Variants in SPAG9 observed in about 807,000 individuals in gnomAD.
SPAG9 encodes sperm associated antigen 9.
Under a neutral mutation model 166.5 loss-of-function variants are expected in SPAG9, and 35 were observed. That is an observed-to-expected ratio of 0.21 (90% CI 0.16 to 0.28). SPAG9 has a LOEUF of 0.28. Ranked by LOEUF, SPAG9 falls within the 10% of genes least tolerant of loss-of-function variation. The probability of loss-of-function intolerance (pLI) is 1.00; values close to 1 mark genes in which losing one functional copy is unlikely to be tolerated. For synonymous variants in SPAG9, 534 were observed against 565.5 expected (o/e 0.94, Z 0.79); for missense variants, 1,235 against 1,603.3 (o/e 0.77, Z 3.92).
intron 2 of SPAG9, among the ~76,000 whole-genome samples, chr17:51,059,492 C>T (rs1172278969): frequency 6.6e-6 from 1 of 152,008 alleles, no homozygotes; most frequent in Non-Finnish European, 1.5e-5. Flanking sequence ...TGGTGGGTCA[C>T]GCCTGTAATC....
intron 5 of SPAG9, among the ~76,000 whole-genome samples, chr17:51,040,021 G>A (rs928408600): frequency 6.6e-6 from 1 of 152,026 alleles, no homozygotes; most frequent in African/African-American, 2.4e-5. Flanking sequence ...GATCACCTGA[G>A]GTCAGGAGTT....
chr17:51,013,170 C>T (rs1023845549), intron 9 of SPAG9, among the ~76,000 whole-genome samples: 12 of 152,174 alleles, frequency 7.9e-5, no homozygotes, highest in African/African-American at 2.7e-4. Flanking sequence ...AATTAACAAA[C>T]GAAACCTTTT....
At chr17:51,054,442 CT>C (rs1425151006) in intron 3 of SPAG9, among the ~76,000 whole-genome samples, 150 of 132,542 alleles carry the variant, frequency 1.1e-3, no homozygotes, top group Non-Finnish European at 1.0e-3. Flanking sequence ...GTTTTTTTGG[CT>C]TTTTTTTTTT....
chr17:51,097,596 G>A (rs548516285), intron 1 of SPAG9, among the ~76,000 whole-genome samples: 2 of 152,096 alleles, frequency 1.3e-5, no homozygotes, highest in African/African-American at 4.8e-5. Context: ...TACATGGCAG[G>A]TTGGTCAGAA....
chr17:51,043,171 T>C (rs2144412319), intron 4 of SPAG9, among the ~76,000 whole-genome samples: 1 of 152,286 alleles, frequency 6.6e-6, no homozygotes, highest in East Asian at 1.9e-4. Context: ...ATTACAGGTG[T>C]GAGCCACCAC....
intron 9 of SPAG9, among the ~76,000 whole-genome samples, chr17:51,011,818 T>C (rs1018615857): frequency 3.9e-5 from 6 of 152,214 alleles, no homozygotes; most frequent in Non-Finnish European, 5.9e-5. Context: ...AAAGATAGTT[T>C]GTAGTCTGTT....
chr17:50,978,259 C>T (rs1190617518), intron 26 of SPAG9, among the ~76,000 whole-genome samples: 1 of 152,158 alleles, frequency 6.6e-6, no homozygotes, highest in East Asian at 1.9e-4. Flanking sequence ...GGCTTAATTA[C>T]CATTCAGCCT....
intron 1 of SPAG9, among the ~76,000 whole-genome samples, chr17:51,105,590 G>T (rs939124859): frequency 6.6e-6 from 1 of 152,002 alleles, no homozygotes; most frequent in Non-Finnish European, 1.5e-5. Context: ...TTAAAGCTTG[G>T]CCGGGCGCAG....
intron 2 of SPAG9, among the ~76,000 whole-genome samples, chr17:51,075,857 A>G (rs932087996): frequency 4.6e-5 from 7 of 152,060 alleles, no homozygotes; most frequent in Non-Finnish European, 2.9e-5. Flanking sequence ...GCACTTCAGG[A>G]GGCCGAGGCA....
chr17:51,019,492 G>A (rs1399713587), intron 8 of SPAG9, among the ~76,000 whole-genome samples: 2 of 152,192 alleles, frequency 1.3e-5, no homozygotes, highest in African/African-American at 2.4e-5. Context: ...GGGAGGCAGA[G>A]GTTGCAGTGA....
At chr17:51,060,232 A>C (rs969527794) in intron 2 of SPAG9, among the ~76,000 whole-genome samples, 2 of 151,874 alleles carry the variant, frequency 1.3e-5, no homozygotes, top group South Asian at 4.2e-4. Context: ...GGGCCGGGCG[A>C]GGTGGCTCAC....
At chr17:51,090,151 C>T (rs1005902484) in intron 1 of SPAG9, among the ~76,000 whole-genome samples, 3 of 151,982 alleles carry the variant, frequency 2.0e-5, no homozygotes, top group East Asian at 1.9e-4. Flanking sequence ...AATTTTGAGT[C>T]GATGTAAAGG....
intron 15 of SPAG9, among the ~76,000 whole-genome samples, chr17:50,997,411 A>C (rs1356392285): frequency 2.0e-5 from 3 of 152,236 alleles, no homozygotes; most frequent in Non-Finnish European, 4.4e-5. Context: ...AAGTGATTTA[A>C]AACTTGAGTA....
At chr17:51,110,652 G>A (rs1413604169) in intron 1 of SPAG9, among the ~76,000 whole-genome samples, 1 of 152,078 alleles carries the variant, frequency 6.6e-6, no homozygotes, top group Non-Finnish European at 1.5e-5. Context: ...TCGCACCACT[G>A]CACTCCAACC....
At chr17:51,029,966 G>C (rs915954882) in intron 6 of SPAG9, among the ~76,000 whole-genome samples, 1 of 152,052 alleles carries the variant, frequency 6.6e-6, no homozygotes, top group African/African-American at 2.4e-5. Flanking sequence ...TCATAAGATG[G>C]TAATTTTTAT....
chr17:51,024,873 G>T (rs927745194), intron 6 of SPAG9, among the ~76,000 whole-genome samples: 3 of 151,418 alleles, frequency 2.0e-5, no homozygotes, highest in Non-Finnish European at 2.9e-5. Context: ...TTTTTAGAGG[G>T]TAGATCTCAT....
chr17:51,040,923 A>ATTAGC (rs1167233628), intron 5 of SPAG9, among the ~76,000 whole-genome samples: 1 of 152,210 alleles, frequency 6.6e-6, no homozygotes, highest in Non-Finnish European at 1.5e-5. Context: ...AAAGTTAATT[A>ATTAGC]TTAGCTTATA....
At chr17:51,092,677 GC>G (rs1432997717) in intron 1 of SPAG9, among the ~76,000 whole-genome samples, 1 of 150,406 alleles carries the variant, frequency 6.6e-6, no homozygotes, top group Non-Finnish European at 1.5e-5. Context: ...GCTTTGGGAG[GC>G]AAAGGTGGGA....
rs1257683395 is a variant in SPAG9, at chr17:50,966,260, T to C, written c.*12A>G. On this transcript the variant is annotated 3_prime_UTR_variant, in exon 30 of 30. Transcript: ENST00000262013. ...GAGACGGCTTCCCCATCTCCACCTG[T>C]TTCCCATGGGCTCACTCATTGCCAT... is the stretch of plus-strand genomic sequence containing the variant. 4 of 1,531,378 alleles carry C rather than the reference T, an allele frequency of 2.6e-6. No individual in the cohort carries two copies. The highest frequency in any genetic ancestry group is 3.6e-6 in the Non-Finnish European group (4 of 1,105,066). The allele number at this position is 1,531,378 out of a possible 1,614,324, so 94.9% of individuals were successfully genotyped here.
Sources: allele counts gnomAD v4.1 joint callset (sites outside exome capture counted in the v4.1 genomes callset), GRCh38; gene constraint gnomAD v4.1.1; transcripts MANE v1.5; gene names NCBI Gene and HGNC (gene_info 2026-07-23, HGNC 2026-07-21).